The following IFT122 variants were observed in gnomAD, a reference collection of about 807,000 sequenced individuals.
IFT122 encodes the protein intraflagellar transport 122.
Under a neutral mutation model 161.6 loss-of-function variants are expected in IFT122, and 118 were observed. The ratio of observed to expected loss-of-function variants is 0.73; its 90% confidence interval spans 0.63 to 0.85. The LOEUF is 0.85. IFT122 is among the 40% of genes least tolerant of loss of function. The pLI, the probability that IFT122 is intolerant of heterozygous loss-of-function variation, is 0.00. For synonymous variants in IFT122, 550 were observed against 602.4 expected (o/e 0.91, Z 1.27); for missense variants, 1,381 against 1,579.6 (o/e 0.87, Z 2.13).
chr3:129,507,859 C>CA, intron 23 of IFT122, 97 bp downstream of exon 23: 1 of 923,222 alleles, frequency 1.1e-6, no homozygotes, highest in East Asian at 2.4e-5. Flanking sequence ...GAATGTAACC[C>CA]ACTGGTCACA....
At chr3:129,460,916 T>G in intron 4 of IFT122, 1 of 1,614,004 alleles carries the variant, frequency 6.2e-7, no homozygotes. Context: ...CACAAAACAG[T>G]AAGAGTAACA....
intron 17 of IFT122, among the ~76,000 whole-genome samples, chr3:129,494,248 A>C (rs1241932937): frequency 6.6e-6 from 1 of 151,212 alleles, no homozygotes; most frequent in Non-Finnish European, 1.5e-5. Flanking sequence ...GTCTGGCTAT[A>C]TTGACCAGGC....
At chr3:129,443,486 C>G (rs1010181196) in intron 1 of IFT122, among the ~76,000 whole-genome samples, 10 of 152,234 alleles carry the variant, frequency 6.6e-5, no homozygotes, top group African/African-American at 2.4e-4. Context: ...AGATGGCCAT[C>G]TATAAGGAAT....
rs56116340 is a variant in IFT122, at chr3:129,465,114, AGTGTGTGTGTGTGTGTGTGTGTGTGTGT to A, written c.563+353_563+380del. On this transcript the variant is annotated intron_variant, in intron 7 of 29. Transcript: ENST00000348417. ...ACATGTGTACGTGTACATGTATATG[AGTGTGTGTGTGTGTGTGTGTGTGTGTGT>A]GTGTGTGTGTGTGTGTGTGGTGTGT... 7.0e-5 allele frequency among the ~76,000 whole-genome samples: 10 copies of A among 142,416 alleles called. No individual in the cohort carries two copies. The East Asian group carries it at 1.0e-3, about 15-fold the overall frequency. The allele number at this position is 142,416 out of a possible 152,430, so 93.4% of individuals were successfully genotyped here.
rs2084525646 is a variant in IFT122 at position 129,519,828 on chromosome 3, G to T, written c.3636+96G>T. On this transcript the variant is annotated intron_variant, in intron 29 of 29. Coordinates refer to ENST00000348417, the MANE Select transcript of IFT122 (RefSeq NM_052989.3). ...GGAGGCGTGGCCCCTGGGAGGAGGG[G>T]CACATCCATGGCTCCAAGTTGGGAC... is the stretch of plus-strand genomic sequence containing the variant. 6 of 1,413,338 alleles carry T rather than the reference G, an allele frequency of 4.2e-6. No homozygotes were observed. The South Asian group carries it at 5.8e-5, about 14-fold the overall frequency. 87.5% of individuals were successfully genotyped at this position (1,413,338 alleles called of 1,614,324 possible).
At chr3:129,516,286 GCA>G (rs375077150) in intron 26 of IFT122, among the ~76,000 whole-genome samples, 123 of 89,464 alleles carry the variant, frequency 1.4e-3, no homozygotes, top group South Asian at 2.1e-3. Context: ...GATTGCTCCT[GCA>G]CACACACACA....
chr3:129,478,797 T>C (rs1478376694), intron 12 of IFT122, among the ~76,000 whole-genome samples: 1 of 152,236 alleles, frequency 6.6e-6, no homozygotes, highest in African/African-American at 2.4e-5. Context: ...GGATTAGATA[T>C]ACTTTAATGA....
At chr3:129,516,011 G>GACTGCCCCTGCACACACACACATACAGAA (rs1560019351) in intron 26 of IFT122, among the ~76,000 whole-genome samples, 1 of 150,852 alleles carries the variant, frequency 6.6e-6, no homozygotes, top group Non-Finnish European at 1.5e-5. Context: ...CGCACACACA[G>GACTGCCCCTGCACACACACACATACAGAA]ACTGCCCCTG....
At chr3:129,442,491 G>A (rs1392519047) in intron 1 of IFT122, among the ~76,000 whole-genome samples, 2 of 151,596 alleles carry the variant, frequency 1.3e-5, no homozygotes, top group African/African-American at 2.4e-5. Flanking sequence ...TAGGATAAGG[G>A]ATGTAGGGGT....
chr3:129,473,822 T>C (rs1186485525), intron 9 of IFT122, among the ~76,000 whole-genome samples: 2 of 152,220 alleles, frequency 1.3e-5, no homozygotes, highest in East Asian at 3.8e-4. Context: ...GAAGTTCACC[T>C]AGTGTTTGTT....
intron 23 of IFT122, among the ~76,000 whole-genome samples, chr3:129,510,099 C>T (rs569714390): frequency 9.4e-4 from 143 of 152,286 alleles, no homozygotes; most frequent in Middle Eastern, 6.8e-3. Flanking sequence ...AGGTCTCTGT[C>T]GCCCAAGGTG....
At chr3:129,456,584 C>T (rs2075520398) in intron 3 of IFT122, among the ~76,000 whole-genome samples, 1 of 152,068 alleles carries the variant, frequency 6.6e-6, no homozygotes, top group Non-Finnish European at 1.5e-5. Context: ...TTGCAGTGAG[C>T]TGAGATTATG....
At chr3:129,492,073 C>A in intron 16 of IFT122, 68 bp from the exon 17 acceptor site, 1 of 1,191,588 alleles carries the variant, frequency 8.4e-7, no homozygotes, top group Non-Finnish European at 1.3e-6. Context: ...GACTTCCCAC[C>A]CCTAGCCAAT....
rs181174242 is a variant in IFT122, at chr3:129,515,130, G to A, written c.3154-358G>A. On this transcript the variant is annotated intron_variant, in intron 25 of 29. Coordinates refer to ENST00000348417, the MANE Select transcript of IFT122 (RefSeq NM_052989.3). ...TTCCCCCTTTCCCACAGGTAGTTGT[G>A]AGGCTAAATGAGCCAGTATAGTCCA... The A allele has an allele frequency of 4.0e-5, 17 of 424,604 alleles. No homozygotes were observed. In the East Asian group the frequency reaches 8.6e-4, roughly 22 times the overall value. The allele number at this position is 424,604 out of a possible 1,614,324, so 26.3% of individuals were successfully genotyped here.
In IFT122 at chr3:129,517,156, C is replaced by G. The variant is rs545498013; in HGVS notation, c.3266-313C>G. On this transcript the variant is annotated intron_variant, in intron 26 of 29. Transcript: ENST00000348417. Reference sequence around the variant, plus strand: ...CACATGGAGACTGCCCCTGCACACACACGGAGACTGCCTCTGCACACACAC... The same window carrying G: ...CACATGGAGACTGCCCCTGCACACAGACGGAGACTGCCTCTGCACACACAC... Among the ~76,000 whole-genome samples, 7 of 148,876 alleles carry G rather than the reference C, an allele frequency of 4.7e-5. No individual in the cohort carries two copies. The South Asian group carries it at 1.5e-3, about 32-fold the overall frequency.
intron 22 of IFT122, among the ~76,000 whole-genome samples, chr3:129,506,866 T>G (rs1046345415): frequency 1.6e-4 from 24 of 152,338 alleles, no homozygotes; most frequent in African/African-American, 5.5e-4. Context: ...TTTTTTTAAT[T>G]AAATGAGAAG....
intron 3 of IFT122, among the ~76,000 whole-genome samples, chr3:129,457,159 T>C (rs909479794): frequency 7.2e-5 from 11 of 152,226 alleles, no homozygotes; most frequent in African/African-American, 2.7e-4. Context: ...CGTTATTTGC[T>C]GCCATGGTAC....
At chr3:129,452,176 A>G (rs569232059) in intron 3 of IFT122, 178 bp downstream of exon 3, 73 of 607,840 alleles carry the variant, frequency 1.2e-4, no homozygotes, top group Middle Eastern at 3.9e-4. Context: ...TATTGAGGTC[A>G]TCTATGTTCC....
chr3:129,476,335 G>A lies in IFT122; in HGVS notation c.837G>A (p.Leu279=). The change falls in exon 10 of 30, where the codon CTG becomes CTA. Residue 279 remains leucine, a synonymous_variant. Coordinates refer to ENST00000348417, the MANE Select transcript of IFT122 (RefSeq NM_052989.3). ...CTCAGATTGGAAAGGATCGGGCACT[G>A]AACTTTGACCCCTGCTGCATCAGCT... ...SGKQIGKDRA[L]NFDPCCISYF... 6.2e-7 allele frequency: 1 copy of A among 1,614,206 alleles called. No homozygotes were observed. Among genetic ancestry groups the A allele is most frequent in the Non-Finnish European group, 8.5e-7 (1 of 1,180,048 alleles).
Sources: gnomAD v4.1 joint callset for allele counts (sites outside exome capture counted in the v4.1 genomes callset) on GRCh38, gnomAD v4.1.1 for gene constraint, MANE v1.5 for transcripts, NCBI Gene and HGNC (gene_info 2026-07-23, HGNC 2026-07-21) for gene names.